Variants in PRR5L observed in about 807,000 individuals in gnomAD.
The protein encoded by PRR5L is proline rich 5 like.
PRR5L carries 21 observed loss-of-function variants against 36.4 expected under a neutral mutation model. The ratio of observed to expected loss-of-function variants is 0.58; its 90% CI spans 0.41 to 0.83. PRR5L has a LOEUF of 0.83. Ranked by LOEUF, PRR5L falls within the 40% of genes least tolerant of loss-of-function variation. PRR5L has a pLI of 0.00. For missense variants in PRR5L, 381 were observed against 473.3 expected, an observed-to-expected ratio of 0.80 and a Z score of 1.81; for synonymous variants, 188 against 197.0, an observed-to-expected ratio of 0.95 and a Z score of 0.38.
intron 1 of PRR5L, among the ~76,000 whole-genome samples, chr11:36,303,776 A>G (rs1856401612): frequency 6.6e-6 from 1 of 152,234 alleles, no homozygotes; most frequent in Admixed American, 6.5e-5. Flanking sequence ...TTAAACAAAT[A>G]TTGAAAAAAC....
Position 36,386,256 on chromosome 11 carries a change from A to G in PRR5L, c.-125-14741A>G, listed in dbSNP as rs116951920. On this transcript the variant is annotated intron_variant, in intron 1 of 8. Transcript: ENST00000530639. ...GGCTGTGATTGTGCCACCATACTCC[A>G]GCCTGGGTGACAGAGCGAGACCTTG... Among the ~76,000 whole-genome samples, 272 of 152,362 alleles carry G rather than the reference A, an allele frequency of 1.8e-3. 4 individuals carry two copies. The East Asian group carries it at 0.04, about 23-fold the overall frequency.
chr11:36,440,407 C>G (rs778643900), intron 6 of PRR5L, among the ~76,000 whole-genome samples: 4 of 152,084 alleles, frequency 2.6e-5, no homozygotes, highest in Non-Finnish European at 5.9e-5. Context: ...AAATCCAGGC[C>G]TTTTCTTCTG....
intron 1 of PRR5L, among the ~76,000 whole-genome samples, chr11:36,342,709 A>G (rs1222873203): frequency 2.0e-5 from 3 of 152,154 alleles, no homozygotes; most frequent in Admixed American, 2.0e-4. Flanking sequence ...TGGTCCTAGG[A>G]ACTTCAGGGT....
intron 1 of PRR5L, among the ~76,000 whole-genome samples, chr11:36,389,451 T>G (rs893191827): frequency 9.2e-5 from 14 of 152,192 alleles, no homozygotes; most frequent in African/African-American, 1.9e-4. Context: ...CTTAACAACG[T>G]GCACATAAGC....
intron 3 of PRR5L, among the ~76,000 whole-genome samples, 160 bp downstream of exon 3, chr11:36,403,538 C>T (rs1247169313): frequency 1.4e-5 from 2 of 147,256 alleles, no homozygotes; most frequent in East Asian, 4.0e-4. Context: ...CTGTTGCGTT[C>T]TGAGACCTGT....
chr11:36,308,363 G>A (rs1248661554), intron 1 of PRR5L, among the ~76,000 whole-genome samples: 1 of 152,148 alleles, frequency 6.6e-6, no homozygotes, highest in Admixed American at 6.5e-5. Context: ...AAAGAAAGGG[G>A]ATTTGAAAGT....
intron 1 of PRR5L, among the ~76,000 whole-genome samples, chr11:36,341,947 G>A (rs563995269): frequency 2.0e-5 from 3 of 152,174 alleles, no homozygotes; most frequent in Non-Finnish European, 4.4e-5. Flanking sequence ...AGAAATGTTG[G>A]GTGGACATTG....
chr11:36,446,329 C>G lies in PRR5L; in HGVS notation c.474C>G (p.Ser158=), dbSNP rs761252274. The G allele has an allele frequency of 6.2e-7, 1 of 1,614,072 alleles. No individual in the cohort carries two copies. The highest frequency in any genetic ancestry group is 2.2e-5 in the East Asian group (1 of 44,882). ...AGGAGCTGACTATCCGCCAGATCTC[C>G]CTGCTGGGCTTCCGAGACCTAGTCT... ...QGQELTIRQI[S]LLGFRDLVLL... Residue 158 remains serine, a synonymous_variant, in exon 7 of 9, where the codon TCC becomes TCG. Transcript: ENST00000530639.
chr11:36,362,618 A>T (rs1857102709), intron 1 of PRR5L, among the ~76,000 whole-genome samples: 1 of 152,102 alleles, frequency 6.6e-6, no homozygotes, highest in African/African-American at 2.4e-5. Flanking sequence ...TTCTGTTTGA[A>T]AGCATAATCA....
intron 1 of PRR5L, among the ~76,000 whole-genome samples, chr11:36,342,682 G>C (rs1439882304): frequency 1.3e-5 from 2 of 152,116 alleles, no homozygotes; most frequent in African/African-American, 4.8e-5. Context: ...GAAACGGGTG[G>C]GATGGGGCAC....
chr11:36,367,056 A>T (rs1206302960), intron 1 of PRR5L, among the ~76,000 whole-genome samples: 1 of 151,996 alleles, frequency 6.6e-6, no homozygotes, highest in Non-Finnish European at 1.5e-5. Context: ...TATGTTCCTT[A>T]TCTTGATTTT....
chr11:36,389,010 C>T (rs752063158), intron 1 of PRR5L, among the ~76,000 whole-genome samples: 8 of 152,178 alleles, frequency 5.3e-5, no homozygotes, highest in Non-Finnish European at 1.0e-4. Flanking sequence ...AAGGTCGGCT[C>T]TTTCTTAGAG....
At chr11:36,447,689 C>A (rs954402716) in intron 7 of PRR5L, among the ~76,000 whole-genome samples, 2 of 152,200 alleles carry the variant, frequency 1.3e-5, no homozygotes, top group Admixed American at 6.5e-5. Flanking sequence ...CCCCACATCC[C>A]CCAGCTGGTG....
chr11:36,371,579 C>T (rs1488390972), intron 1 of PRR5L, among the ~76,000 whole-genome samples: 1 of 152,100 alleles, frequency 6.6e-6, no homozygotes, highest in Non-Finnish European at 1.5e-5. Context: ...ATTATCAGGG[C>T]CTCCTTTTTT....
At chr11:36,306,880 AAAAAAGAACATGT>A (rs954144798) in intron 1 of PRR5L, among the ~76,000 whole-genome samples, 3 of 151,988 alleles carry the variant, frequency 2.0e-5, no homozygotes, top group Non-Finnish European at 4.4e-5. Context: ...ATAGTGCTAA[AAAAAAGAACATGT>A]AATAGTTGTA....
Position 36,335,864 on chromosome 11 carries a change from C to T in PRR5L, c.-126+39426C>T, listed in dbSNP as rs962582637. On this transcript the variant is annotated intron_variant, in intron 1 of 8. Coordinates refer to ENST00000530639, the MANE Select transcript of PRR5L (RefSeq NM_001160167.2). ...AAAGTTTTCTTCATTTATTCATTTA[C>T]AAAGCTTTGCCGCAGTGAATCCTAT... is the stretch of plus-strand genomic sequence containing the variant. Among the ~76,000 whole-genome samples, 5 of 152,144 alleles carry T rather than the reference C, an allele frequency of 3.3e-5. No individual in the cohort carries two copies. In the East Asian group the frequency reaches 9.6e-4, roughly 29 times the overall value.
chr11:36,316,351 A>G (rs1416595754), intron 1 of PRR5L, among the ~76,000 whole-genome samples: 1 of 152,206 alleles, frequency 6.6e-6, no homozygotes, highest in African/African-American at 2.4e-5. Flanking sequence ...GAGCTGATTT[A>G]TCAAGACAGG....
At chr11:36,316,027 A>G (rs1212074856) in intron 1 of PRR5L, among the ~76,000 whole-genome samples, 1 of 152,236 alleles carries the variant, frequency 6.6e-6, no homozygotes, top group African/African-American at 2.4e-5. Context: ...GGACCAGGAC[A>G]TGACAAAATC....
intron 1 of PRR5L, among the ~76,000 whole-genome samples, chr11:36,317,130 A>G (rs1392846892): frequency 6.6e-6 from 1 of 152,206 alleles, no homozygotes; most frequent in Non-Finnish European, 1.5e-5. Flanking sequence ...TGAATGAAAT[A>G]AGGCCATGGG....
Sources: allele counts gnomAD v4.1 joint callset (sites outside exome capture counted in the v4.1 genomes callset), GRCh38; gene constraint gnomAD v4.1.1; transcripts MANE v1.5; gene names NCBI Gene and HGNC (gene_info 2026-07-23, HGNC 2026-07-21).